The following DCAF1 variants were observed in gnomAD, a reference collection of about 807,000 sequenced individuals.
The protein encoded by DCAF1 is DDB1 and CUL4 associated factor 1.
Under a neutral mutation model 128.0 loss-of-function variants are expected in DCAF1, and 15 were observed. The ratio of observed to expected loss-of-function variants is 0.12; its 90% CI spans 0.08 to 0.18. DCAF1 has a LOEUF of 0.18. Among genes scored for constraint, DCAF1 ranks in the 10% least tolerant of loss-of-function variants. The pLI, the probability that DCAF1 is intolerant of heterozygous loss-of-function variation, is 1.00. For synonymous variants in DCAF1, 610 were observed against 603.0 expected (o/e 1.01, Z -0.17); for missense variants, 988 against 1,649.5 (o/e 0.60, Z 6.95).
intron 23 of DCAF1, among the ~76,000 whole-genome samples, chr3:51,408,932 C>T (rs548722781): frequency 1.3e-5 from 2 of 152,298 alleles, no homozygotes; most frequent in South Asian, 2.1e-4. Context: ...CCATGTTGCA[C>T]ACCTACCCTG....
intron 4 of DCAF1, among the ~76,000 whole-genome samples, chr3:51,470,572 A>G (rs1014593703): frequency 1.3e-4 from 20 of 152,196 alleles, no homozygotes; most frequent in African/African-American, 4.8e-4. Flanking sequence ...TCTCCAAAAA[A>G]GAAAAAGTCT....
intron 9 of DCAF1, chr3:51,436,304 T>C (rs1700823398): frequency 2.0e-6 from 1 of 503,288 alleles, no homozygotes; most frequent in Non-Finnish European, 4.0e-6. Context: ...AGTTCTAGGC[T>C]TGAAAGAGAA....
intron 10 of DCAF1, among the ~76,000 whole-genome samples, chr3:51,431,844 G>A (rs910111974): frequency 7.2e-5 from 11 of 151,834 alleles, no homozygotes; most frequent in African/African-American, 2.7e-4. Context: ...GGTGGTGCAC[G>A]TCTGTGGTCC....
At chr3:51,472,076 T>C (rs903346503) in intron 3 of DCAF1, among the ~76,000 whole-genome samples, 4 of 152,164 alleles carry the variant, frequency 2.6e-5, no homozygotes, top group Admixed American at 6.6e-5. Context: ...TCTGATGCAA[T>C]TCATTCTCCA....
At chr3:51,442,004 C>T (rs782084487) in intron 7 of DCAF1, 107 bp from the exon 8 acceptor site, 47 of 1,417,326 alleles carry the variant, frequency 3.3e-5, no homozygotes, top group African/African-American at 4.3e-5. Flanking sequence ...TGCAGTGAGC[C>T]CAACGCCTGT....
chr3:51,413,493 G>A, intron 20 of DCAF1, 107 bp from the exon 21 acceptor site: 1 of 1,470,248 alleles, frequency 6.8e-7, no homozygotes, highest in Non-Finnish European at 9.0e-7. Flanking sequence ...TTGCATATAG[G>A]TTTACATACA....
Position 51,414,921 on chromosome 3 carries a change from G to C in DCAF1, c.3604-64C>G. 2.6e-6 allele frequency: 4 copies of C among 1,546,824 alleles called. No homozygotes were observed. The South Asian group carries it at 4.8e-5, about 19-fold the overall frequency. On this transcript the variant is annotated intron_variant, in intron 18 of 24. Transcript: ENST00000684031. ...AATCCATCCACTGACAAATTAAAGA[G>C]AAAATGTGCAAAGCAGTTTCTAAAA...
intron 6 of DCAF1, among the ~76,000 whole-genome samples, chr3:51,454,334 C>G (rs1242662351): frequency 6.6e-6 from 1 of 152,104 alleles, no homozygotes; most frequent in Non-Finnish European, 1.5e-5. Context: ...CAGATATGAG[C>G]CAACTCACCT....
At chr3:51,493,785 C>T (rs560358239) in intron 2 of DCAF1, among the ~76,000 whole-genome samples, 2 of 152,130 alleles carry the variant, frequency 1.3e-5, no homozygotes, top group East Asian at 3.9e-4. Context: ...ATCATGAGGT[C>T]AACAGTTCGA....
intron 23 of DCAF1, among the ~76,000 whole-genome samples, chr3:51,409,774 A>C (rs1180269578): frequency 2.0e-5 from 3 of 152,220 alleles, no homozygotes; most frequent in African/African-American, 7.2e-5. Flanking sequence ...GAGGTGTCTA[A>C]GGTAGCAAAC....
intron 17 of DCAF1, among the ~76,000 whole-genome samples, chr3:51,417,816 G>GGGAGA (rs1225811728): frequency 6.0e-5 from 9 of 150,960 alleles, no homozygotes; most frequent in Non-Finnish European, 1.0e-4. Flanking sequence ...GGGAGGGGAG[G>GGGAGA]GGAGAGGAGA....
chr3:51,422,575 C>A, intron 13 of DCAF1, 144 bp from the exon 14 acceptor site: 2 of 606,086 alleles, frequency 3.3e-6, no homozygotes, highest in Non-Finnish European at 6.0e-6. Flanking sequence ...CTATCTCAAG[C>A]TGTCGCATCA....
chr3:51,445,301 C>A (rs1449216237), intron 6 of DCAF1, among the ~76,000 whole-genome samples: 2 of 152,142 alleles, frequency 1.3e-5, no homozygotes, highest in Non-Finnish European at 2.9e-5. Context: ...CTGCTATATG[C>A]TTTTGAACTA....
intron 10 of DCAF1, among the ~76,000 whole-genome samples, chr3:51,430,726 T>C (rs992710000): frequency 6.6e-6 from 1 of 152,232 alleles, no homozygotes; most frequent in Non-Finnish European, 1.5e-5. Flanking sequence ...ATTTTGTATG[T>C]ACACACATAG....
chr3:51,503,113 C>T (rs184354464), upstream of DCAF1, among the ~76,000 whole-genome samples: 255 of 152,326 alleles, frequency 1.7e-3, 1 homozygote, highest in Non-Finnish European at 1.3e-3. Context: ...TAGGACATCT[C>T]TGGACTCCGT....
At chr3:51,445,780 T>C (rs1553640094) in intron 6 of DCAF1, among the ~76,000 whole-genome samples, 2 of 152,174 alleles carry the variant, frequency 1.3e-5, no homozygotes, top group East Asian at 1.9e-4. Context: ...TTTCCACCAA[T>C]AGTGAATAGA....
At chr3:51,476,536 T>C (rs1424637222) in intron 3 of DCAF1, among the ~76,000 whole-genome samples, 1 of 122,884 alleles carries the variant, frequency 8.1e-6, no homozygotes, top group African/African-American at 3.1e-5. Context: ...AAAAAATCCA[T>C]CTAGCAGAGT....
At position 51,432,312 on chromosome 3, in the gene DCAF1, T is replaced by C. The variant is rs1191645703; in HGVS notation, c.1287+794A>G. On this transcript the variant is annotated intron_variant, in intron 10 of 24. Coordinates refer to ENST00000684031, the MANE Select transcript of DCAF1 (RefSeq NM_001387579.1). ...AAGTATAAAAAGTAGCCAGGCATGG[T>C]GGCACAAGCCTGTAGTCCTAGCTAC... Among the ~76,000 whole-genome samples the C allele has an allele frequency of 3.4e-5, 5 of 146,474 alleles. No homozygotes were observed. In the East Asian group the frequency reaches 1.0e-3, roughly 29 times the overall value.
intron 14 of DCAF1, 53 bp from the exon 15 acceptor site, chr3:51,421,050 C>A: frequency 6.5e-7 from 1 of 1,537,718 alleles, no homozygotes. Flanking sequence ...TGGCCAACTT[C>A]AATAGTTGTT....
Sources: gnomAD v4.1 joint callset for allele counts (sites outside exome capture counted in the v4.1 genomes callset) on GRCh38, gnomAD v4.1.1 for gene constraint, MANE v1.5 for transcripts, NCBI Gene and HGNC (gene_info 2026-07-23, HGNC 2026-07-21) for gene names.